Variants in METTL15 observed in about 807,000 individuals in gnomAD.
METTL15 encodes 12S rRNA N(4)-cytidine methyltransferase METTL15.
In METTL15, 34 loss-of-function variants were observed where a neutral mutation model predicts 38.3. The observed-to-expected ratio is 0.89, with a 90% CI of 0.68 to 1.18. METTL15 has a LOEUF of 1.18. Among genes scored for constraint, METTL15 ranks in the 50% most tolerant of loss-of-function variants. The pLI, the probability that METTL15 is intolerant of heterozygous loss-of-function variation, is 0.00. For missense variants in METTL15, 438 were observed against 498.4 expected (o/e 0.88, Z 1.15); for synonymous variants, 162 against 170.9 (o/e 0.95, Z 0.41).
intron 3 of METTL15, among the ~76,000 whole-genome samples, chr11:28,122,922 A>T (rs1440795479): frequency 6.6e-6 from 1 of 152,114 alleles, no homozygotes; most frequent in Non-Finnish European, 1.5e-5. Context: ...TAAGATAAAA[A>T]AATCAAGCTT....
downstream of METTL15, among the ~76,000 whole-genome samples, chr11:28,338,407 T>C (rs1339214332): frequency 3.3e-5 from 5 of 152,298 alleles, no homozygotes; most frequent in Non-Finnish European, 7.4e-5. Flanking sequence ...TCACCATCTT[T>C]AGCTACCTGA....
At position 28,173,658 on chromosome 11, in the gene METTL15, T is replaced by C. The variant is rs536491265; in HGVS notation, c.271-37404T>C. On this transcript the variant is annotated intron_variant, in intron 3 of 6. Transcript: ENST00000407364. ...CAATCATTAACTAAAGTCTGTTCTT[T>C]ACTCATATTTCCTTAGCTTTTACCT... is the stretch of plus-strand genomic sequence containing the variant. Among the ~76,000 whole-genome samples the C allele has an allele frequency of 1.1e-4, 17 of 152,350 alleles. No individual in the cohort carries two copies. The South Asian group carries it at 3.5e-3, about 32-fold the overall frequency.
intron 5 of METTL15, among the ~76,000 whole-genome samples, chr11:28,423,753 A>C (rs1355960230): frequency 6.6e-6 from 1 of 152,076 alleles, no homozygotes; most frequent in Non-Finnish European, 1.5e-5. Flanking sequence ...AAAGGGGCCA[A>C]AAAAATAGTT....
At position 28,452,735 on chromosome 11, in the gene METTL15, A is replaced by G. The variant is rs541964439; in HGVS notation, c.*424+28371A>G. Among the ~76,000 whole-genome samples, 13 of 152,296 alleles carry G rather than the reference A, an allele frequency of 8.5e-5. No individual in the cohort carries two copies. The South Asian group carries it at 2.3e-3, about 27-fold the overall frequency. ...AGGGATAGTTCATATTGTTGAGCCT[A>G]TGCATAGCCTCCATCACTGCCCCCG... On this transcript the variant is annotated intron_variant and NMD_transcript_variant, in intron 6 of 7. Coordinates refer to the METTL15 transcript ENST00000532947.
intron 5 of METTL15, among the ~76,000 whole-genome samples, chr11:28,394,587 C>G (rs1850549329): frequency 6.6e-6 from 1 of 152,026 alleles, no homozygotes; most frequent in Admixed American, 6.6e-5. Context: ...ATTTTCAGTT[C>G]AAATCTTCCT....
At chr11:28,154,024 T>A (rs527814502) in intron 3 of METTL15, among the ~76,000 whole-genome samples, 1 of 152,296 alleles carries the variant, frequency 6.6e-6, no homozygotes, top group African/African-American at 2.4e-5. Flanking sequence ...ATGGAGCTGT[T>A]TGAATTTTCA....
intron 6 of METTL15, among the ~76,000 whole-genome samples, chr11:28,432,390 A>G (rs1000783260): frequency 5.3e-5 from 8 of 152,374 alleles, no homozygotes; most frequent in Non-Finnish European, 1.0e-4. Context: ...CTACTTATGT[A>G]CACATGATTG....
intron 5 of METTL15, among the ~76,000 whole-genome samples, chr11:28,404,218 G>C (rs532086997): frequency 6.6e-6 from 1 of 152,004 alleles, no homozygotes; most frequent in Non-Finnish European, 1.5e-5. Flanking sequence ...CATATAAAAA[G>C]AAATTGTTAC....
intron 6 of METTL15, among the ~76,000 whole-genome samples, chr11:28,513,616 G>A (rs1343702795): frequency 6.6e-6 from 1 of 152,198 alleles, no homozygotes; most frequent in Non-Finnish European, 1.5e-5. Context: ...CCAGAGCTGA[G>A]AGCCCCGAAC....
intron 4 of METTL15, among the ~76,000 whole-genome samples, chr11:28,271,499 T>C (rs886886666): frequency 2.6e-5 from 4 of 151,748 alleles, no homozygotes; most frequent in Non-Finnish European, 5.9e-5. Flanking sequence ...TGTCTTATAA[T>C]ACCTGCTAGT....
intron 5 of METTL15, among the ~76,000 whole-genome samples, chr11:28,383,951 C>G (rs567483542): frequency 6.6e-6 from 1 of 152,158 alleles, no homozygotes; most frequent in Admixed American, 6.5e-5. Flanking sequence ...TTTCCTGATT[C>G]TCTCTCTTAT....
chr11:28,284,539 T>G (rs1212117275), intron 4 of METTL15, among the ~76,000 whole-genome samples: 1 of 152,028 alleles, frequency 6.6e-6, no homozygotes, highest in African/African-American at 2.4e-5. Context: ...AGAAAATGCA[T>G]AAGACAAAAA....
chr11:28,335,292 A>G (rs542400268), downstream of METTL15, among the ~76,000 whole-genome samples: 7 of 152,290 alleles, frequency 4.6e-5, no homozygotes, highest in East Asian at 1.3e-3. Context: ...ATTGTGAATA[A>G]CGCTATTGGC....
At chr11:28,481,427 G>A (rs1354401935) in intron 6 of METTL15, among the ~76,000 whole-genome samples, 1 of 152,170 alleles carries the variant, frequency 6.6e-6, no homozygotes, top group Non-Finnish European at 1.5e-5. Context: ...GAACACAAAA[G>A]GCGGTAGGAG....
At chr11:28,294,879 A>G (rs966020296) in intron 5 of METTL15, among the ~76,000 whole-genome samples, 1 of 152,166 alleles carries the variant, frequency 6.6e-6, no homozygotes, top group African/African-American at 2.4e-5. Flanking sequence ...TATGTGTTGA[A>G]CAAAATACTT....
chr11:28,209,853 G>A (rs1852549899), intron 3 of METTL15, among the ~76,000 whole-genome samples: 1 of 151,920 alleles, frequency 6.6e-6, no homozygotes, highest in Non-Finnish European at 1.5e-5. Context: ...TATGTACTAT[G>A]CACATGAACT....
intron 4 of METTL15, among the ~76,000 whole-genome samples, chr11:28,238,258 C>G (rs899708920): frequency 6.6e-6 from 1 of 152,190 alleles, no homozygotes. Context: ...GTGGGCTCCA[C>G]CCAGTGCGAG....
chr11:28,212,296 T>C (rs1054293046), intron 4 of METTL15, among the ~76,000 whole-genome samples: 1 of 152,116 alleles, frequency 6.6e-6, no homozygotes, highest in Non-Finnish European at 1.5e-5. Flanking sequence ...TTTCATTTCT[T>C]CCGAGAATAA....
At chr11:28,462,284 T>G (rs1394452788) in intron 6 of METTL15, among the ~76,000 whole-genome samples, 1 of 151,868 alleles carries the variant, frequency 6.6e-6, no homozygotes, top group Non-Finnish European at 1.5e-5. Flanking sequence ...ACAAGAAGAA[T>G]GGAAGTGTAG....
Sources: gnomAD v4.1 joint callset for allele counts (sites outside exome capture counted in the v4.1 genomes callset) on GRCh38, gnomAD v4.1.1 for gene constraint, MANE v1.5 for transcripts, NCBI Gene and HGNC (gene_info 2026-07-23, HGNC 2026-07-21) for gene names.